Variants in GSDMB observed in about 807,000 individuals in gnomAD.
The protein encoded by GSDMB is gasdermin B, also known as gasdermin-B.
In GSDMB, 32 loss-of-function variants were observed where a neutral mutation model predicts 42.9. The observed-to-expected ratio is 0.75, with a 90% CI of 0.56 to 1.00. GSDMB has a LOEUF of 1.00. GSDMB is among the 50% of genes least tolerant of loss of function. The probability of loss-of-function intolerance (pLI) is 0.00; values close to 1 mark genes in which losing one functional copy is unlikely to be tolerated. For synonymous variants in GSDMB, 175 were observed against 193.7 expected (o/e 0.90, Z 0.80); for missense variants, 468 against 498.5 (o/e 0.94, Z 0.58).
chr17:39,913,596 G>T (rs2063655655), intron 2 of GSDMB, among the ~76,000 whole-genome samples: 2 of 152,302 alleles, frequency 1.3e-5, no homozygotes, highest in South Asian at 4.1e-4. Context: ...TCCAGCCTGG[G>T]CGACAGCGAG....
At chr17:39,906,379 C>G in intron 7 of GSDMB, 108 bp from the exon 8 acceptor site, 1 of 1,096,746 alleles carries the variant, frequency 9.1e-7, no homozygotes, top group Non-Finnish European at 1.3e-6. Flanking sequence ...TTTGTATCTT[C>G]CCTTCTTCCA....
chr17:39,910,672 A>G (rs2063590911), intron 3 of GSDMB, among the ~76,000 whole-genome samples: 1 of 151,872 alleles, frequency 6.6e-6, no homozygotes, highest in South Asian at 2.1e-4. Flanking sequence ...AGCCAGCTGC[A>G]TCATCTGCCC....
rs569772359 is a variant in GSDMB at position 39,909,657 on chromosome 17, G to A, written c.576+99C>T. ...GTGGCCAAGAGCAGCAGGGCTGCTC[G>A]GAGAGGAGTGAAGGAAGAGTCTAAG... On this transcript the variant is annotated intron_variant, in intron 4 of 10. Transcript: ENST00000418519. 2.7e-4 allele frequency: 298 copies of A among 1,085,918 alleles called. 2 individuals carry two copies. The South Asian group carries it at 3.3e-3, about 12-fold the overall frequency. The allele number at this position is 1,085,918 out of a possible 1,614,324, so 67.3% of individuals were successfully genotyped here. A position where few individuals can be genotyped will look rare whatever the true frequency, so the allele number is the denominator to read the frequency against.
At chr17:39,912,214 G>T (rs909130035) in intron 3 of GSDMB, 112 bp downstream of exon 3, 23 of 751,634 alleles carry the variant, frequency 3.1e-5, no homozygotes, top group Admixed American at 1.1e-4. Flanking sequence ...GCAGGGAAAA[G>T]AAAAATAAAA....
chr17:39,906,969 G>T lies in GSDMB; in HGVS notation c.719C>A (p.Ser240Tyr), dbSNP rs901921047. The change falls in exon 7 of 11, where the codon TCC becomes TAC. Residue 240 changes from serine (S) to tyrosine (Y), a missense_variant. Transcript: ENST00000418519. ...TTGGCTATCACCCTTACCTAAACAG[G>T]ATGAAGCACCATCCTTCTCTGCAGA... is the stretch of plus-strand genomic sequence containing the variant. Reference protein sequence around the residue: ...SFPEEKDGASSCLGKSLGSED... With the variant: ...SFPEEKDGASYCLGKSLGSED... The T allele has an allele frequency of 3.7e-6, 6 of 1,613,910 alleles. No homozygotes were observed. Among genetic ancestry groups the T allele is most frequent in the Non-Finnish European group, 5.1e-6 (6 of 1,179,972 alleles).
At chr17:39,917,687 T>C in intron 1 of GSDMB, 1 of 277,524 alleles carries the variant, frequency 3.6e-6, no homozygotes, top group South Asian at 3.8e-5. Context: ...TGTAAGCCTA[T>C]CCCAAACATA....
At position 39,904,749 on chromosome 17, in the gene GSDMB, G is replaced by T; in HGVS notation, c.*63C>A. 2 of 1,368,622 alleles carry T rather than the reference G, an allele frequency of 1.5e-6. No individual in the cohort carries two copies. Among genetic ancestry groups the T allele is most frequent in the Non-Finnish European group, 2.1e-6 (2 of 973,194 alleles). The allele number at this position is 1,368,622 out of a possible 1,614,324, so 84.8% of individuals were successfully genotyped here. On this transcript the variant is annotated 3_prime_UTR_variant, in exon 11 of 11. Transcript: ENST00000418519. ...TGGTGACAGGATGGTAGTGGCGATG[G>T]CAGTGAGGACAGACTGGTAAAGGGA...
intron 1 of GSDMB, 138 bp from the exon 2 acceptor site, chr17:39,917,468 T>C: frequency 1.6e-6 from 1 of 621,492 alleles, no homozygotes; most frequent in Non-Finnish European, 2.9e-6. Context: ...CCTGCATGTA[T>C]ACATCCAGAT....
At chr17:39,911,682 G>A (rs150012539) in intron 3 of GSDMB, among the ~76,000 whole-genome samples, 1,835 of 152,260 alleles carry the variant, frequency 0.012, 32 homozygotes, top group African/African-American at 0.042. Context: ...TCAATACAGA[G>A]AGGTTAGTAA....
intron 2 of GSDMB, among the ~76,000 whole-genome samples, chr17:39,916,476 G>T (rs1417235450): frequency 6.6e-6 from 1 of 150,830 alleles, no homozygotes; most frequent in Non-Finnish European, 1.5e-5. Context: ...TTTTTAAGCA[G>T]AGACGGGGTT....
rs762621445 is a variant in GSDMB, at chr17:39,909,061, A to C, written c.577-19T>G. On this transcript the variant is annotated intron_variant, in intron 4 of 10. Transcript: ENST00000418519. Reference sequence around the variant, plus strand: ...TTTGGCCCTAGAAAAAGGAGCTCACATTGACGGATCCCCAGGTGTTTCTAC... The same window carrying C: ...TTTGGCCCTAGAAAAAGGAGCTCACCTTGACGGATCCCCAGGTGTTTCTAC... The C allele has an allele frequency of 6.8e-6, 10 of 1,471,636 alleles. No individual in the cohort carries two copies. The highest frequency in any genetic ancestry group is 8.4e-6 in the Non-Finnish European group (9 of 1,069,192). The allele number at this position is 1,471,636 out of a possible 1,614,324, so 91.2% of individuals were successfully genotyped here. A position where few individuals can be genotyped will look rare whatever the true frequency, so the allele number is the denominator to read the frequency against.
intron 5 of GSDMB, 141 bp downstream of exon 5, chr17:39,908,817 A>G (rs1294723938): frequency 5.9e-6 from 4 of 682,382 alleles, no homozygotes; most frequent in African/African-American, 3.7e-5. Context: ...TGCTGAACCC[A>G]CCCTTTTCCC....
At chr17:39,913,521 G>A (rs1171044077) in intron 2 of GSDMB, among the ~76,000 whole-genome samples, 1 of 152,126 alleles carries the variant, frequency 6.6e-6, no homozygotes, top group Non-Finnish European at 1.5e-5. Flanking sequence ...GCCGAGGCAG[G>A]AGAATCGCTT....
Position 39,904,905 on chromosome 17 carries a change from G to A in GSDMB, c.1158C>T (p.Asp386=). 1.2e-6 allele frequency: 2 copies of A among 1,613,444 alleles called. No homozygotes were observed. The highest frequency in any genetic ancestry group is 2.2e-5 in the East Asian group (1 of 44,880). Residue 386 remains aspartate (D), a synonymous_variant, in exon 11 of 11, where the codon GAC becomes GAT. Transcript: ENST00000418519. ...AGAGAATTCGTGCCTCAGGGTCATA[G>A]TCCATGTCAGGAGGACTGCTGGCCA... is the stretch of plus-strand genomic sequence containing the variant. ...DELASSPPDM[D]YDPEARILCA...
In GSDMB at chr17:39,904,631, C is replaced by A; in HGVS notation, c.*181G>T. On this transcript the variant is annotated 3_prime_UTR_variant, in exon 11 of 11. Coordinates refer to ENST00000418519, the MANE Select transcript of GSDMB (RefSeq NM_001165958.2). ...AACCTGCCACTTTTAATCAGAAGTC[C>A]ATGTATGAAATCCAGGCTGGTTTTG... 1 of 529,748 alleles carries A rather than the reference C, an allele frequency of 1.9e-6. No homozygotes were observed. Among genetic ancestry groups the A allele is most frequent in the South Asian group, 2.9e-5 (1 of 34,050 alleles). 32.8% of individuals were successfully genotyped at this position (529,748 alleles called of 1,614,324 possible).
intron 2 of GSDMB, 51 bp downstream of exon 2, chr17:39,917,031 C>T (rs1046632413): frequency 8.4e-7 from 1 of 1,185,632 alleles, no homozygotes; most frequent in East Asian, 2.3e-5. Context: ...AGATGGAGTA[C>T]AAACGGTCAA....
intron 2 of GSDMB, among the ~76,000 whole-genome samples, chr17:39,916,012 T>G (rs2063703151): frequency 6.6e-6 from 1 of 152,030 alleles, no homozygotes; most frequent in African/African-American, 2.4e-5. Flanking sequence ...CAAGTGAGAG[T>G]TCAACACTTA....
At chr17:39,907,878 A>C (rs1255057249) in intron 6 of GSDMB, 1 of 379,666 alleles carries the variant, frequency 2.6e-6, no homozygotes, top group Admixed American at 4.0e-5. Flanking sequence ...GTCCTGCTGG[A>C]ACTGGCCAAG....
At chr17:39,915,163 G>C (rs1332299888) in intron 2 of GSDMB, among the ~76,000 whole-genome samples, 1 of 152,286 alleles carries the variant, frequency 6.6e-6, no homozygotes, top group East Asian at 1.9e-4. Context: ...GTAGAGACAG[G>C]GTTTCGCCAT....
Sources: gnomAD v4.1 joint callset for allele counts (sites outside exome capture counted in the v4.1 genomes callset) on GRCh38, gnomAD v4.1.1 for gene constraint, MANE v1.5 for transcripts, NCBI Gene and HGNC (gene_info 2026-07-23, HGNC 2026-07-21) for gene names.